NALF1: variants seen among roughly 807,000 people sequenced by gnomAD.
NALF1 encodes family with sequence similarity 155 member A.
In NALF1, 3 loss-of-function variants were observed where a neutral mutation model predicts 48.4. The observed-to-expected ratio is 0.06, with a 90% CI of 0.03 to 0.16. NALF1 has a LOEUF of 0.16. NALF1 is among the 10% of genes least tolerant of loss of function. NALF1 has a pLI of 1.00. For missense variants in NALF1, 526 were observed against 571.5 expected (o/e 0.92, Z 0.81); for synonymous variants, 262 against 245.7 (o/e 1.07, Z -0.62).
At chr13:107,259,412 T>C (rs1269367989) in intron 1 of NALF1, among the ~76,000 whole-genome samples, 3 of 152,192 alleles carry the variant, frequency 2.0e-5, no homozygotes, top group African/African-American at 4.8e-5. Flanking sequence ...CTGTGTACAA[T>C]GTCCTCAAGA....
At chr13:107,200,715 AGTCG>A (rs1879494585) in intron 2 of NALF1, among the ~76,000 whole-genome samples, 3 of 152,354 alleles carry the variant, frequency 2.0e-5, no homozygotes, top group Middle Eastern at 3.4e-3. Flanking sequence ...CCATGACATC[AGTCG>A]CCAGTTGGCT....
At chr13:107,341,341 A>G (rs1882676605) in intron 1 of NALF1, among the ~76,000 whole-genome samples, 1 of 152,142 alleles carries the variant, frequency 6.6e-6, no homozygotes, top group Non-Finnish European at 1.5e-5. Context: ...GCTTATGCAA[A>G]GTAACCGAAA....
chr13:107,372,424 G>T (rs183064089), intron 1 of NALF1, among the ~76,000 whole-genome samples: 1 of 152,170 alleles, frequency 6.6e-6, no homozygotes, highest in African/African-American at 2.4e-5. Context: ...TATAATTTGC[G>T]TATAACCACA....
intron 2 of NALF1, among the ~76,000 whole-genome samples, chr13:107,202,372 A>G (rs1879539322): frequency 6.7e-6 from 1 of 149,056 alleles, no homozygotes; most frequent in South Asian, 2.1e-4. Context: ...TTGATATGGT[A>G]TAGATATTAT....
chr13:107,442,855 A>G (rs1481041970), intron 1 of NALF1, among the ~76,000 whole-genome samples: 1 of 152,208 alleles, frequency 6.6e-6, no homozygotes, highest in East Asian at 1.9e-4. Context: ...AGTTTTAACT[A>G]TTGATATAAC....
chr13:107,282,743 G>A (rs1881413857), intron 1 of NALF1, among the ~76,000 whole-genome samples: 1 of 152,148 alleles, frequency 6.6e-6, no homozygotes. Context: ...GTGAGTGATC[G>A]ACCTCGGAAG....
chr13:107,487,326 C>G (rs1387814248), intron 1 of NALF1, among the ~76,000 whole-genome samples: 2 of 152,086 alleles, frequency 1.3e-5, no homozygotes, highest in African/African-American at 4.8e-5. Context: ...AACAACTTTC[C>G]AAGTGTCAGG....
At chr13:107,638,305 TA>T (rs1023618707) in intron 1 of NALF1, among the ~76,000 whole-genome samples, 83 of 151,372 alleles carry the variant, frequency 5.5e-4, no homozygotes, top group South Asian at 1.3e-3. Flanking sequence ...AGGAGTAGAT[TA>T]TTTTTTTGTT....
intron 1 of NALF1, among the ~76,000 whole-genome samples, chr13:107,452,545 C>T (rs1884760020): frequency 6.6e-6 from 1 of 152,122 alleles, no homozygotes; most frequent in Non-Finnish European, 1.5e-5. Context: ...ATTACCTCCA[C>T]CTGGTCTCTA....
chr13:107,352,413 T>C (rs141753271), intron 1 of NALF1, among the ~76,000 whole-genome samples: 2 of 152,290 alleles, frequency 1.3e-5, no homozygotes, highest in East Asian at 3.9e-4. Flanking sequence ...GTTTGGGCTG[T>C]TGTAACAAAT....
At chr13:107,634,189 C>G (rs1020275564) in intron 1 of NALF1, among the ~76,000 whole-genome samples, 46 of 151,976 alleles carry the variant, frequency 3.0e-4, no homozygotes, top group Non-Finnish European at 4.1e-4. Flanking sequence ...TGACAGACCT[C>G]TGGAAAGGGA....
At chr13:107,290,005 T>C (rs975764431) in intron 1 of NALF1, among the ~76,000 whole-genome samples, 4 of 152,110 alleles carry the variant, frequency 2.6e-5, no homozygotes, top group Non-Finnish European at 5.9e-5. Flanking sequence ...GGTAACAGGA[T>C]GTTTCCACTT....
intron 1 of NALF1, among the ~76,000 whole-genome samples, chr13:107,368,187 C>T (rs1395823287): frequency 1.3e-5 from 2 of 152,140 alleles, no homozygotes; most frequent in African/African-American, 2.4e-5. Context: ...AAAGTTATAA[C>T]ACCAATATGG....
intron 1 of NALF1, among the ~76,000 whole-genome samples, chr13:107,818,608 C>T (rs1357371648): frequency 8.9e-6 from 1 of 112,642 alleles, no homozygotes; most frequent in African/African-American, 3.3e-5. Flanking sequence ...CGCGGTGGCT[C>T]ACGCCTGTAA....
chr13:107,349,752 A>G lies in NALF1; in HGVS notation c.916-138997T>C, dbSNP rs529116152. On this transcript the variant is annotated intron_variant, in intron 1 of 2. Coordinates refer to ENST00000375915, the MANE Select transcript of NALF1 (RefSeq NM_001080396.3). ...GAGAATACGTCTCAAAAAAAAAAAAAAAAGAAACTGAGGTAGCTGATTTAT... is the reference window on the plus strand; with the variant it reads ...GAGAATACGTCTCAAAAAAAAAAAAGAAAGAAACTGAGGTAGCTGATTTAT... Among the ~76,000 whole-genome samples, 626 of 151,796 alleles carry G rather than the reference A, an allele frequency of 4.1e-3. 2 individuals carry two copies. Among genetic ancestry groups the G allele is most frequent in the Non-Finnish European group, 5.7e-3 (384 of 67,942 alleles).
intron 1 of NALF1, among the ~76,000 whole-genome samples, chr13:107,626,259 G>A (rs905668930): frequency 7.9e-5 from 12 of 151,754 alleles, no homozygotes; most frequent in Non-Finnish European, 4.4e-5. Context: ...GTAGAAACAA[G>A]CAGAAAGATC....
chr13:107,576,059 T>G (rs1368045393), intron 1 of NALF1, among the ~76,000 whole-genome samples: 1 of 152,052 alleles, frequency 6.6e-6, no homozygotes, highest in African/African-American at 2.4e-5. Context: ...TAACACATTT[T>G]GTGTCTCAGT....
At chr13:107,585,259 T>TACTAGATC (rs1181903252) in intron 1 of NALF1, among the ~76,000 whole-genome samples, 1 of 151,974 alleles carries the variant, frequency 6.6e-6, no homozygotes, top group Non-Finnish European at 1.5e-5. Flanking sequence ...TTTGAGAAAT[T>TACTAGATC]ACTAGATCAC....
At chr13:107,548,982 T>A (rs1877213233) in intron 1 of NALF1, among the ~76,000 whole-genome samples, 1 of 152,196 alleles carries the variant, frequency 6.6e-6, no homozygotes, top group African/African-American at 2.4e-5. Flanking sequence ...TAATTGCACA[T>A]CGGCCAAGTA....
Sources: allele counts gnomAD v4.1 joint callset (sites outside exome capture counted in the v4.1 genomes callset), GRCh38; gene constraint gnomAD v4.1.1; transcripts MANE v1.5; gene names NCBI Gene and HGNC (gene_info 2026-07-23, HGNC 2026-07-21).